The following L3MBTL4 variants were observed in gnomAD, a reference collection of about 807,000 sequenced individuals.
L3MBTL4 encodes lethal(3)malignant brain tumor-like protein 4.
In L3MBTL4, 70 loss-of-function variants were observed where a neutral mutation model predicts 84.5. That is an observed-to-expected ratio of 0.83 (90% CI 0.68 to 1.01). L3MBTL4 has a LOEUF of 1.01. Ranked by LOEUF, L3MBTL4 falls within the 50% of genes least tolerant of loss-of-function variation. The pLI is 0.00. For missense variants in L3MBTL4, 715 were observed against 754.8 expected (o/e 0.95, Z 0.62); for synonymous variants, 274 against 259.8 (o/e 1.05, Z -0.52).
chr18:6,337,859 A>G (rs1699502238), intron 1 of L3MBTL4, among the ~76,000 whole-genome samples: 1 of 152,102 alleles, frequency 6.6e-6, no homozygotes, highest in Non-Finnish European at 1.5e-5. Context: ...GTACTAATAT[A>G]AACACAAAGA....
At chr18:6,090,470 A>T (rs2058407367) in intron 15 of L3MBTL4, among the ~76,000 whole-genome samples, 1 of 151,926 alleles carries the variant, frequency 6.6e-6, no homozygotes, top group South Asian at 2.1e-4. Context: ...AGAAAAAATT[A>T]TCCAAATTGT....
intron 14 of L3MBTL4, among the ~76,000 whole-genome samples, chr18:6,131,117 A>G (rs987088973): frequency 2.6e-5 from 4 of 152,204 alleles, no homozygotes; most frequent in African/African-American, 9.6e-5. Flanking sequence ...TAAGATGCTG[A>G]CAACTTATAT....
intron 16 of L3MBTL4, among the ~76,000 whole-genome samples, chr18:6,061,958 C>A (rs2145893328): frequency 6.6e-6 from 1 of 151,972 alleles, no homozygotes; most frequent in Non-Finnish European, 1.5e-5. Flanking sequence ...TCTCCATAAG[C>A]TATACTCACC....
intron 13 of L3MBTL4, among the ~76,000 whole-genome samples, chr18:6,139,319 T>C (rs568434761): frequency 6.6e-6 from 1 of 152,134 alleles, no homozygotes; most frequent in Admixed American, 6.5e-5. Context: ...TATGCTACAC[T>C]GTGCTATATT....
chr18:6,145,453 G>C (rs2042607027), intron 13 of L3MBTL4, among the ~76,000 whole-genome samples: 1 of 151,696 alleles, frequency 6.6e-6, no homozygotes, highest in Non-Finnish European at 1.5e-5. Flanking sequence ...TAAATATATA[G>C]ATGAGTTATG....
chr18:6,170,771 C>T (rs991036701), intron 13 of L3MBTL4, among the ~76,000 whole-genome samples: 2 of 152,194 alleles, frequency 1.3e-5, no homozygotes, highest in Middle Eastern at 3.4e-3. Flanking sequence ...GAACCATCTC[C>T]GTGACATGCT....
chr18:6,036,081 G>T (rs2056124587), intron 16 of L3MBTL4, among the ~76,000 whole-genome samples: 1 of 152,118 alleles, frequency 6.6e-6, no homozygotes, highest in Non-Finnish European at 1.5e-5. Context: ...TAAGCTTAAG[G>T]ATCCCTTGTA....
At chr18:6,000,606 T>C (rs1392865381) in intron 16 of L3MBTL4, among the ~76,000 whole-genome samples, 2 of 152,128 alleles carry the variant, frequency 1.3e-5, no homozygotes, top group African/African-American at 2.4e-5. Flanking sequence ...ATCAAAACAA[T>C]GAAACAGAGC....
At chr18:6,323,409 G>T (rs372513094) in intron 1 of L3MBTL4, among the ~76,000 whole-genome samples, 4 of 152,344 alleles carry the variant, frequency 2.6e-5, no homozygotes, top group African/African-American at 7.2e-5. Context: ...CTTCTTGAAT[G>T]GTTGTGACAA....
intron 12 of L3MBTL4, among the ~76,000 whole-genome samples, chr18:6,191,502 T>C (rs538180894): frequency 6.6e-6 from 1 of 152,268 alleles, no homozygotes; most frequent in Admixed American, 6.5e-5. Flanking sequence ...AGTCAAACTT[T>C]GGACATGTTG....
intron 13 of L3MBTL4, among the ~76,000 whole-genome samples, chr18:6,168,912 T>A (rs1177418151): frequency 6.6e-6 from 1 of 151,824 alleles, no homozygotes; most frequent in South Asian, 2.1e-4. Context: ...TGGGAGAAAA[T>A]TTTTGCAACC....
At chr18:6,331,943 TAA>T (rs112334259) in intron 1 of L3MBTL4, among the ~76,000 whole-genome samples, 16 of 139,282 alleles carry the variant, frequency 1.1e-4, no homozygotes, top group Non-Finnish European at 7.8e-5. Flanking sequence ...AAGGCGAGAT[TAA>T]AAAAAAAAAA....
intron 17 of L3MBTL4, among the ~76,000 whole-genome samples, chr18:5,962,274 G>A (rs893416811): frequency 6.6e-6 from 1 of 152,148 alleles, no homozygotes; most frequent in Non-Finnish European, 1.5e-5. Context: ...TCTGTGAGAG[G>A]TTCACTGTTG....
At chr18:6,088,965 C>T (rs949472590) in intron 15 of L3MBTL4, among the ~76,000 whole-genome samples, 2 of 152,122 alleles carry the variant, frequency 1.3e-5, no homozygotes, top group African/African-American at 4.8e-5. Flanking sequence ...CTTTATTAGG[C>T]ATTTTCTTAG....
At chr18:6,376,715 G>T (rs1344377526) in intron 1 of L3MBTL4, among the ~76,000 whole-genome samples, 1 of 152,170 alleles carries the variant, frequency 6.6e-6, no homozygotes, top group African/African-American at 2.4e-5. Context: ...TCCAGCCTGG[G>T]TGACAGAGTG....
chr18:6,166,597 G>C (rs1245930858), intron 13 of L3MBTL4, among the ~76,000 whole-genome samples: 2 of 152,038 alleles, frequency 1.3e-5, no homozygotes, highest in Non-Finnish European at 2.9e-5. Flanking sequence ...ATAACAAAAT[G>C]AAGGCAGAGA....
intron 1 of L3MBTL4, among the ~76,000 whole-genome samples, chr18:6,390,747 GA>G (rs377739337): frequency 6.5e-4 from 99 of 152,196 alleles, no homozygotes; most frequent in African/African-American, 2.3e-3. Context: ...ATAAATTCTT[GA>G]AACATACGAC....
intron 1 of L3MBTL4, among the ~76,000 whole-genome samples, chr18:6,324,945 A>C (rs1256517086): frequency 1.3e-5 from 2 of 152,182 alleles, no homozygotes; most frequent in Non-Finnish European, 2.9e-5. Flanking sequence ...TGAGAAAGAA[A>C]CCACAATGAG....
At chr18:6,384,786 T>C (rs1599860889) in intron 1 of L3MBTL4, among the ~76,000 whole-genome samples, 1 of 152,158 alleles carries the variant, frequency 6.6e-6, no homozygotes, top group Non-Finnish European at 1.5e-5. Flanking sequence ...TGGTCTCCTC[T>C]GGGGGAAGCC....
Sources: gnomAD v4.1 joint callset for allele counts (sites outside exome capture counted in the v4.1 genomes callset) on GRCh38, gnomAD v4.1.1 for gene constraint, MANE v1.5 for transcripts, NCBI Gene and HGNC (gene_info 2026-07-23, HGNC 2026-07-21) for gene names.